The following SNX4 variants were observed in gnomAD, a reference collection of about 807,000 sequenced individuals.
The protein encoded by SNX4 is sorting nexin 4.
A neutral mutation model predicts 70.8 loss-of-function variants in SNX4; 49 were observed. The ratio of observed to expected loss-of-function variants is 0.69; its 90% CI spans 0.55 to 0.88. The LOEUF is 0.88. SNX4 is among the 40% of genes least tolerant of loss of function. The pLI is 0.00. For missense variants in SNX4, 528 were observed against 544.8 expected (o/e 0.97, Z 0.31); for synonymous variants, 206 against 183.8 (o/e 1.12, Z -0.98).
intron 13 of SNX4, among the ~76,000 whole-genome samples, chr3:125,450,177 T>C (rs369678138): frequency 3.3e-5 from 5 of 152,290 alleles, no homozygotes; most frequent in African/African-American, 1.2e-4. Context: ...AAAAAAAAGA[T>C]AGAGATGCTA....
intron 13 of SNX4, among the ~76,000 whole-genome samples, chr3:125,448,913 G>A (rs568517204): frequency 3.4e-4 from 52 of 151,732 alleles, no homozygotes; most frequent in African/African-American, 1.2e-3. Flanking sequence ...TCCTGACCTC[G>A]TGATCCACCT....
intron 2 of SNX4, among the ~76,000 whole-genome samples, chr3:125,502,859 A>AC (rs1559823825): frequency 6.6e-6 from 1 of 151,312 alleles, no homozygotes; most frequent in African/African-American, 2.4e-5. Context: ...ATCTCAAAAA[A>AC]AAAAAAAAAA....
At chr3:125,459,545 T>C (rs1933820992) in intron 10 of SNX4, among the ~76,000 whole-genome samples, 1 of 152,156 alleles carries the variant, frequency 6.6e-6, no homozygotes, top group Non-Finnish European at 1.5e-5. Flanking sequence ...CAAGCAGTTA[T>C]TCTGCCTCAG....
rs894989058 is a variant in SNX4, at chr3:125,505,432, A to T, written c.142-688T>A. Among the ~76,000 whole-genome samples the T allele has an allele frequency of 3.9e-5, 6 of 152,192 alleles. No individual in the cohort carries two copies. In the South Asian group the frequency reaches 6.2e-4, roughly 16 times the overall value. ...TGATGTAAGTATTTGGGAACTCTGG[A>T]GTCCAATAAAGGCTTGCAACTCCCA... On this transcript the variant is annotated intron_variant, in intron 1 of 13. Coordinates refer to ENST00000251775, the MANE Select transcript of SNX4 (RefSeq NM_003794.4).
chr3:125,447,978 A>G (rs1933469210), intron 13 of SNX4, 152 bp from the exon 14 acceptor site: 1 of 533,262 alleles, frequency 1.9e-6, no homozygotes, highest in African/African-American at 2.0e-5. Context: ...TAATATAAGC[A>G]AATGTCTAAT....
At chr3:125,493,910 G>A (rs147916178) in intron 5 of SNX4, among the ~76,000 whole-genome samples, 16 of 151,902 alleles carry the variant, frequency 1.1e-4, no homozygotes, top group East Asian at 1.9e-4. Flanking sequence ...GGTGGTGAGC[G>A]CCTGTAGTCC....
chr3:125,469,919 T>A (rs1579983362), intron 8 of SNX4, among the ~76,000 whole-genome samples: 1 of 152,198 alleles, frequency 6.6e-6, no homozygotes, highest in East Asian at 1.9e-4. Context: ...CATGTACGGC[T>A]CTGATGAACA....
intron 5 of SNX4, among the ~76,000 whole-genome samples, chr3:125,492,107 CAAAAA>C (rs60558490): frequency 6.3e-5 from 3 of 47,398 alleles, no homozygotes; most frequent in African/African-American, 7.2e-5. Context: ...GACTCCATCT[CAAAAA>C]AAAAAAAAAA....
chr3:125,502,808 C>A (rs1387863888), intron 2 of SNX4, among the ~76,000 whole-genome samples: 1 of 142,700 alleles, frequency 7.0e-6, no homozygotes. Context: ...GAGCCGAGAT[C>A]GCGCCACCGC....
chr3:125,500,192 A>G, intron 2 of SNX4, among the ~76,000 whole-genome samples: 1 of 152,144 alleles, frequency 6.6e-6, no homozygotes, highest in Non-Finnish European at 1.5e-5. Flanking sequence ...TAATCACTCA[A>G]CAACTATTCA....
intron 9 of SNX4, among the ~76,000 whole-genome samples, chr3:125,466,155 A>T (rs1475246133): frequency 2.0e-5 from 3 of 149,106 alleles, no homozygotes; most frequent in Non-Finnish European, 2.9e-5. Context: ...ATTATTTTAA[A>T]TTTTTTATTT....
chr3:125,484,815 A>G (rs955277898), intron 6 of SNX4, among the ~76,000 whole-genome samples: 2 of 152,030 alleles, frequency 1.3e-5, no homozygotes, highest in South Asian at 4.1e-4. Flanking sequence ...TTCTGCAAAA[A>G]GTACAAAAAA....
intron 1 of SNX4, among the ~76,000 whole-genome samples, chr3:125,510,458 T>G (rs1935146383): frequency 6.6e-6 from 1 of 152,108 alleles, no homozygotes; most frequent in Admixed American, 6.6e-5. Context: ...CTCGATCTCC[T>G]GACCTTGTGA....
At chr3:125,510,185 A>G (rs956639664) in intron 1 of SNX4, among the ~76,000 whole-genome samples, 6 of 152,204 alleles carry the variant, frequency 3.9e-5, no homozygotes, top group African/African-American at 1.4e-4. Flanking sequence ...CATCATTCAC[A>G]ATAGGTAAAA....
Position 125,500,799 on chromosome 3 carries a change from C to CAAAAAAAAAAAAA in SNX4, c.264-2618_264-2606dup, listed in dbSNP as rs770336677. ...TGGGCGACAGAGCAAGACTCCGTCT[C>CAAAAAAAAAAAAA]AAAAAAAAAAAAAAAAAAAAAAAAA... On this transcript the variant is annotated intron_variant, in intron 2 of 13. Coordinates refer to ENST00000251775, the MANE Select transcript of SNX4 (RefSeq NM_003794.4). Among the ~76,000 whole-genome samples, 5 of 29,316 alleles carry CAAAAAAAAAAAAA rather than the reference C, an allele frequency of 1.7e-4. 1 individual carries two copies. 19.2% of individuals were successfully genotyped at this position (29,316 alleles called of 152,430 possible).
intron 5 of SNX4, among the ~76,000 whole-genome samples, chr3:125,491,103 A>G (rs541108334): frequency 6.6e-6 from 1 of 152,332 alleles, no homozygotes; most frequent in South Asian, 2.1e-4. Context: ...GGGCTATCTA[A>G]AGAATATCTA....
intron 7 of SNX4, 21 bp downstream of exon 7, chr3:125,480,226 A>G (rs199821400): frequency 5.4e-6 from 8 of 1,492,384 alleles, no homozygotes; most frequent in Non-Finnish European, 7.2e-6. Flanking sequence ...GTGCATCAAA[A>G]AGCTTTTGGG....
chr3:125,504,612 C>T lies in SNX4; in HGVS notation c.263+11G>A, dbSNP rs2076724. ...CTGTCTACCTGCCCAGGTGTAATTT[C>T]TGTTACCCACCTTGTTTCAATGAGG... On this transcript the variant is annotated intron_variant, in intron 2 of 13. Transcript: ENST00000251775. 0.45 allele frequency: 724,760 copies of T among 1,605,190 alleles called. 166,251 individuals are homozygous for T. Among genetic ancestry groups the T allele is most frequent in the African/African-American group, 0.64 (47,466 of 74,710 alleles).
chr3:125,505,743 T>C (rs1024788012), intron 1 of SNX4, among the ~76,000 whole-genome samples: 2 of 152,200 alleles, frequency 1.3e-5, no homozygotes, highest in Non-Finnish European at 2.9e-5. Flanking sequence ...AAAGCCAGCA[T>C]CCTGTTTTTC....
Sources: gnomAD v4.1 joint callset for allele counts (sites outside exome capture counted in the v4.1 genomes callset) on GRCh38, gnomAD v4.1.1 for gene constraint, MANE v1.5 for transcripts, NCBI Gene and HGNC (gene_info 2026-07-23, HGNC 2026-07-21) for gene names.